Variants in TTLL11 observed in about 807,000 individuals in gnomAD.
The protein encoded by TTLL11 is tubulin tyrosine ligase like 11, also known as tubulin polyglutamylase TTLL11.
In TTLL11, 42 loss-of-function variants were observed where a neutral mutation model predicts 51.7. The ratio of observed to expected loss-of-function variants is 0.81; its 90% CI spans 0.64 to 1.05. The LOEUF is 1.05. TTLL11 is among the 50% of genes least tolerant of loss of function. The pLI, the probability that TTLL11 is intolerant of heterozygous loss-of-function variation, is 0.00. For synonymous variants in TTLL11, 381 were observed against 383.5 expected (o/e 0.99, Z 0.08); for missense variants, 799 against 940.4 (o/e 0.85, Z 1.97).
intron 1 of TTLL11, among the ~76,000 whole-genome samples, chr9:122,074,828 A>AT (rs1845817725): frequency 6.6e-6 from 1 of 151,968 alleles, no homozygotes; most frequent in South Asian, 2.1e-4. Flanking sequence ...GAGCCCAGGA[A>AT]TTTGATATTG....
chr9:121,979,809 C>T (rs1842790428), intron 4 of TTLL11, among the ~76,000 whole-genome samples: 1 of 152,122 alleles, frequency 6.6e-6, no homozygotes, highest in Admixed American at 6.5e-5. Flanking sequence ...ACAAATTGCT[C>T]TATGGCCTGA....
chr9:121,916,539 A>G (rs909326756), intron 6 of TTLL11, among the ~76,000 whole-genome samples: 5 of 152,214 alleles, frequency 3.3e-5, no homozygotes, highest in African/African-American at 1.2e-4. Context: ...AAGCCTTGAT[A>G]CACAGTGGCG....
chr9:122,088,104 C>G (rs992829756), intron 1 of TTLL11, among the ~76,000 whole-genome samples: 8 of 152,210 alleles, frequency 5.3e-5, no homozygotes, highest in Non-Finnish European at 1.5e-5. Context: ...ATATGGCAAG[C>G]AATCTGTGAT....
intron 8 of TTLL11, among the ~76,000 whole-genome samples, chr9:121,836,439 C>T (rs539409025): frequency 6.6e-6 from 1 of 152,294 alleles, no homozygotes; most frequent in South Asian, 2.1e-4. Context: ...TGATGGGGAG[C>T]TCACCACTGC....
chr9:121,966,284 C>G (rs1339193350), intron 6 of TTLL11, among the ~76,000 whole-genome samples: 1 of 152,170 alleles, frequency 6.6e-6, no homozygotes, highest in Non-Finnish European at 1.5e-5. Flanking sequence ...GGAAAGCAGT[C>G]CATAACCCAG....
intron 1 of TTLL11, among the ~76,000 whole-genome samples, chr9:122,061,932 A>G (rs1445607572): frequency 1.3e-5 from 2 of 152,110 alleles, no homozygotes; most frequent in Admixed American, 1.3e-4. Context: ...CACTGCACCC[A>G]GCCGAATTAT....
At chr9:122,024,796 T>C (rs916932155) in intron 3 of TTLL11, among the ~76,000 whole-genome samples, 1 of 152,142 alleles carries the variant, frequency 6.6e-6, no homozygotes, top group Non-Finnish European at 1.5e-5. Context: ...ATCACAGACC[T>C]AAATTCGAAA....
rs546763858 is a variant in TTLL11, at chr9:121,815,755, G to C, written c.*6832C>G. The C allele has an allele frequency of 5.9e-5, 9 of 152,260 alleles. No homozygotes were observed. In the East Asian group the frequency reaches 1.7e-3, roughly 29 times the overall value. 9.4% of individuals were successfully genotyped at this position (152,260 alleles called of 1,614,324 possible). On this transcript the variant is annotated 3_prime_UTR_variant, in exon 9 of 9. Transcript: ENST00000321582. ...TTTATGAAGTTGCCAAGACAACTGA[G>C]GCCAAGTAACAGAACCTTGACTTTA...
At chr9:122,066,975 A>G (rs1845601761) in intron 1 of TTLL11, among the ~76,000 whole-genome samples, 1 of 152,224 alleles carries the variant, frequency 6.6e-6, no homozygotes, top group African/African-American at 2.4e-5. Context: ...TCATGAGAAC[A>G]GCATGGGAGA....
chr9:121,955,369 GC>G (rs1841988131), intron 6 of TTLL11, among the ~76,000 whole-genome samples: 1 of 152,230 alleles, frequency 6.6e-6, no homozygotes, highest in African/African-American at 2.4e-5. Flanking sequence ...ATGGCAATAG[GC>G]TCAACATTGT....
At chr9:122,034,464 C>T (rs1844646240) in intron 2 of TTLL11, among the ~76,000 whole-genome samples, 1 of 152,236 alleles carries the variant, frequency 6.6e-6, no homozygotes, top group Non-Finnish European at 1.5e-5. Context: ...GCACTTCCTG[C>T]CTGCAGGCCG....
intron 1 of TTLL11, among the ~76,000 whole-genome samples, chr9:122,067,260 A>G (rs1845611108): frequency 6.6e-6 from 1 of 152,214 alleles, no homozygotes; most frequent in Non-Finnish European, 1.5e-5. Flanking sequence ...AAAACTCCCT[A>G]ACACAGAAAA....
chr9:122,066,989 T>A (rs1258149034), intron 1 of TTLL11, among the ~76,000 whole-genome samples: 1 of 152,130 alleles, frequency 6.6e-6, no homozygotes, highest in African/African-American at 2.4e-5. Context: ...TGGGAGAAAC[T>A]TCCCCCATGA....
chr9:122,028,581 A>G (rs1429036368), intron 3 of TTLL11, among the ~76,000 whole-genome samples: 1 of 152,208 alleles, frequency 6.6e-6, no homozygotes, highest in Non-Finnish European at 1.5e-5. Flanking sequence ...ATCCAAAATT[A>G]AAGCTGGAAA....
chr9:121,962,169 G>T (rs1298908561), intron 6 of TTLL11, among the ~76,000 whole-genome samples: 2 of 152,192 alleles, frequency 1.3e-5, no homozygotes, highest in African/African-American at 2.4e-5. Context: ...AGTTAATCAG[G>T]TTAGCTCTGG....
chr9:122,071,583 C>A (rs1845730085), intron 1 of TTLL11, among the ~76,000 whole-genome samples: 1 of 152,122 alleles, frequency 6.6e-6, no homozygotes, highest in Admixed American at 6.5e-5. Context: ...CCTCGCTCTC[C>A]CCAGCACTGC....
intron 6 of TTLL11, among the ~76,000 whole-genome samples, chr9:121,881,082 T>G (rs892144189): frequency 6.6e-6 from 1 of 152,224 alleles, no homozygotes; most frequent in African/African-American, 2.4e-5. Flanking sequence ...ACTGTCTATA[T>G]GACAACTGTA....
intron 6 of TTLL11, among the ~76,000 whole-genome samples, chr9:121,930,517 G>T (rs757129164): frequency 3.3e-5 from 5 of 152,190 alleles, no homozygotes; most frequent in Non-Finnish European, 7.3e-5. Flanking sequence ...GGCTGGTGAA[G>T]AATTAAACTC....
At chr9:121,872,603 C>T (rs559631339) in intron 6 of TTLL11, among the ~76,000 whole-genome samples, 10 of 152,272 alleles carry the variant, frequency 6.6e-5, no homozygotes, top group South Asian at 6.2e-4. Context: ...TAGCCCTGTA[C>T]GAACGGTCCT....
Sources: allele counts gnomAD v4.1 joint callset (sites outside exome capture counted in the v4.1 genomes callset), GRCh38; gene constraint gnomAD v4.1.1; transcripts MANE v1.5; gene names NCBI Gene and HGNC (gene_info 2026-07-23, HGNC 2026-07-21).